RBFOX1: variants seen among roughly 807,000 people sequenced by gnomAD.
RBFOX1 encodes RNA binding fox-1 homolog 1, also known as RNA binding protein fox-1 homolog 1.
A neutral mutation model predicts 57.7 loss-of-function variants in RBFOX1; 8 were observed. The observed-to-expected ratio is 0.14, with a 90% CI of 0.08 to 0.25. The LOEUF (loss-of-function observed/expected upper bound fraction) is 0.25. RBFOX1 is among the 10% of genes least tolerant of loss of function. The pLI, the probability that RBFOX1 is intolerant of heterozygous loss-of-function variation, is 1.00. For synonymous variants in RBFOX1, 326 were observed against 222.4 expected (o/e 1.47, Z -4.15); for missense variants, 611 against 548.5 (o/e 1.11, Z -1.14).
chr16:7,143,925 G>A (rs1266788229), intron 4 of RBFOX1, among the ~76,000 whole-genome samples: 2 of 152,156 alleles, frequency 1.3e-5, no homozygotes, highest in Non-Finnish European at 2.9e-5. Context: ...TCTATTCACA[G>A]ACAATGGAAT....
rs369552576 is a variant in RBFOX1, at chr16:7,471,600, T to G, written c.28-46547T>G. ...CTATTCCCTAATTTATAATAAATTC[T>G]GAGACGGGGGTGGAGATGGCTTCTT... On this transcript the variant is annotated intron_variant, in intron 4 of 15. Coordinates refer to ENST00000550418, the MANE Select transcript of RBFOX1 (RefSeq NM_018723.4). Among the ~76,000 whole-genome samples the G allele has an allele frequency of 2.6e-4, 40 of 152,286 alleles. No individual in the cohort carries two copies. The East Asian group carries it at 6.9e-3, about 26-fold the overall frequency.
At chr16:6,021,532 G>A (rs1331019544) in intron 1 of RBFOX1, among the ~76,000 whole-genome samples, 1 of 152,172 alleles carries the variant, frequency 6.6e-6, no homozygotes, top group Non-Finnish European at 1.5e-5. Context: ...TAAAAAGTGG[G>A]GCTGACTCAA....
chr16:6,350,727 C>T (rs1178360748), intron 2 of RBFOX1, among the ~76,000 whole-genome samples: 1 of 152,070 alleles, frequency 6.6e-6, no homozygotes, highest in Non-Finnish European at 1.5e-5. Flanking sequence ...CATATTTAAG[C>T]CTCATTAACA....
At chr16:7,091,022 C>T (rs906382643) in intron 4 of RBFOX1, among the ~76,000 whole-genome samples, 1 of 152,192 alleles carries the variant, frequency 6.6e-6, no homozygotes, top group Non-Finnish European at 1.5e-5. Context: ...TCATCTAATT[C>T]ACAAACAGGA....
At chr16:5,875,963 C>T (rs141530165) in intron 4 of RBFOX1, among the ~76,000 whole-genome samples, 2 of 151,990 alleles carry the variant, frequency 1.3e-5, no homozygotes, top group East Asian at 3.9e-4. Flanking sequence ...CCTGCCTCAG[C>T]CTCCCGAGTA....
chr16:6,957,946 C>T (rs569426821), intron 3 of RBFOX1, among the ~76,000 whole-genome samples: 310 of 152,256 alleles, frequency 2.0e-3, no homozygotes, highest in Non-Finnish European at 3.4e-3. Context: ...AGTCACACAG[C>T]ATCACTTCCA....
At chr16:5,304,880 C>G (rs535942002) in intron 1 of RBFOX1, among the ~76,000 whole-genome samples, 10 of 152,242 alleles carry the variant, frequency 6.6e-5, no homozygotes, top group African/African-American at 2.2e-4. Flanking sequence ...ATTTGCATTT[C>G]TCCTATTCCC....
chr16:7,113,364 T>C (rs536412005), intron 4 of RBFOX1, among the ~76,000 whole-genome samples: 6 of 152,266 alleles, frequency 3.9e-5, no homozygotes, highest in Non-Finnish European at 8.8e-5. Flanking sequence ...TTTAAGTCTT[T>C]CCGCAGTAAA....
At chr16:6,050,691 G>A (rs1032020571) in intron 1 of RBFOX1, among the ~76,000 whole-genome samples, 6 of 151,952 alleles carry the variant, frequency 3.9e-5, no homozygotes, top group African/African-American at 1.2e-4. Flanking sequence ...TGGAGTTACC[G>A]GAGTACTTCT....
At chr16:6,755,678 A>C (rs993632834) in intron 3 of RBFOX1, among the ~76,000 whole-genome samples, 2 of 152,188 alleles carry the variant, frequency 1.3e-5, no homozygotes, top group Non-Finnish European at 2.9e-5. Context: ...TCACTTTGCT[A>C]TAAATATAAT....
chr16:6,164,049 A>G (rs1401636468), intron 1 of RBFOX1, among the ~76,000 whole-genome samples: 1 of 152,220 alleles, frequency 6.6e-6, no homozygotes, highest in Non-Finnish European at 1.5e-5. Context: ...TATTTAACAA[A>G]AATTGCTGAT....
In RBFOX1 at chr16:6,160,907, G is replaced by A. The variant is rs377740776; in HGVS notation, c.-127+140915G>A. 1.3e-4 allele frequency among the ~76,000 whole-genome samples: 20 copies of A among 152,110 alleles called. No individual in the cohort carries two copies. The East Asian group carries it at 2.9e-3, about 22-fold the overall frequency. ...TCTGAGATTGCCCTCATCGCTCTCC[G>A]CACACGATCCTGCTTTATCATATCA... is the stretch of plus-strand genomic sequence containing the variant. On this transcript the variant is annotated intron_variant, in intron 1 of 15. Coordinates refer to ENST00000550418, the MANE Select transcript of RBFOX1 (RefSeq NM_018723.4).
At chr16:6,812,475 G>A (rs2088939597) in intron 3 of RBFOX1, among the ~76,000 whole-genome samples, 1 of 152,132 alleles carries the variant, frequency 6.6e-6, no homozygotes, top group Non-Finnish European at 1.5e-5. Context: ...TAGGGTTCAA[G>A]TGATTCTCTT....
intron 1 of RBFOX1, among the ~76,000 whole-genome samples, chr16:6,301,755 A>G (rs957883393): frequency 1.3e-5 from 2 of 152,224 alleles, no homozygotes; most frequent in Non-Finnish European, 2.9e-5. Context: ...AATAAATGCT[A>G]GAATATGCTT....
chr16:5,518,378 C>A (rs34259685), intron 2 of RBFOX1, among the ~76,000 whole-genome samples: 2 of 151,946 alleles, frequency 1.3e-5, no homozygotes, highest in African/African-American at 4.8e-5. Context: ...TCACCATTGC[C>A]CTTCATCACT....
intron 4 of RBFOX1, among the ~76,000 whole-genome samples, chr16:7,052,384 C>T (rs2050398080): frequency 6.6e-6 from 1 of 152,124 alleles, no homozygotes; most frequent in South Asian, 2.1e-4. Context: ...TTTTTATGTA[C>T]AACACGAGGT....
At chr16:7,564,993 G>A (rs1021094966) in intron 5 of RBFOX1, among the ~76,000 whole-genome samples, 1 of 152,094 alleles carries the variant, frequency 6.6e-6, no homozygotes, top group Non-Finnish European at 1.5e-5. Context: ...TCGAAATGAG[G>A]CATTAACTAC....
chr16:6,407,365 A>T (rs1049444124), intron 2 of RBFOX1, among the ~76,000 whole-genome samples: 1 of 152,056 alleles, frequency 6.6e-6, no homozygotes, highest in African/African-American at 2.4e-5. Flanking sequence ...ATATATCTAT[A>T]TCTATATCTT....
At chr16:5,508,818 C>G (rs964947262) in intron 2 of RBFOX1, among the ~76,000 whole-genome samples, 1 of 152,222 alleles carries the variant, frequency 6.6e-6, no homozygotes, top group Non-Finnish European at 1.5e-5. Context: ...AAGTCGAGAG[C>G]TGACATTGCC....
Sources: allele counts gnomAD v4.1 joint callset (sites outside exome capture counted in the v4.1 genomes callset), GRCh38; gene constraint gnomAD v4.1.1; transcripts MANE v1.5; gene names NCBI Gene and HGNC (gene_info 2026-07-23, HGNC 2026-07-21).